RUNDC3B: variants seen among roughly 807,000 people sequenced by gnomAD.
The protein encoded by RUNDC3B is RUN domain containing 3B, also known as RUN domain-containing protein 3B.
A neutral mutation model predicts 58.4 loss-of-function variants in RUNDC3B; 33 were observed. The observed-to-expected ratio is 0.56, with a 90% CI of 0.43 to 0.75. The LOEUF is 0.75. Among genes scored for constraint, RUNDC3B ranks in the 30% least tolerant of loss-of-function variants. RUNDC3B has a pLI of 0.00. For synonymous variants in RUNDC3B, 193 were observed against 195.2 expected (o/e 0.99, Z 0.10); for missense variants, 501 against 535.7 (o/e 0.94, Z 0.64).
intron 1 of RUNDC3B, among the ~76,000 whole-genome samples, chr7:87,635,931 T>C (rs886278054): frequency 6.6e-6 from 1 of 152,232 alleles, no homozygotes; most frequent in African/African-American, 2.4e-5. Flanking sequence ...CTGTAGTTTG[T>C]TCATTTTCAT....
intron 6 of RUNDC3B, among the ~76,000 whole-genome samples, chr7:87,750,520 C>A (rs1338362059): frequency 6.6e-6 from 1 of 152,148 alleles, no homozygotes; most frequent in African/African-American, 2.4e-5. Flanking sequence ...TCCTATTTCT[C>A]CACATCCTCT....
chr7:87,782,602 A>C (rs996012989), intron 8 of RUNDC3B, among the ~76,000 whole-genome samples: 2 of 152,126 alleles, frequency 1.3e-5, no homozygotes, highest in African/African-American at 4.8e-5. Flanking sequence ...TGATGTAAAC[A>C]TTTAGTGATA....
chr7:87,802,518 A>T lies in RUNDC3B; in HGVS notation c.957-4855A>T, dbSNP rs149506666. Among the ~76,000 whole-genome samples, 32 of 152,340 alleles carry T rather than the reference A, an allele frequency of 2.1e-4. No individual in the cohort carries two copies. In the East Asian group the frequency reaches 6.0e-3, roughly 28 times the overall value. ...TGTTTGCTAGCACAACAGAGTGACT[A>T]TAGTCAAAAGTAATTTAATTATACA... On this transcript the variant is annotated intron_variant, in intron 8 of 10. Coordinates refer to ENST00000394654, the MANE Select transcript of RUNDC3B (RefSeq NM_001134405.2).
chr7:87,723,033 T>C (rs6972098), intron 4 of RUNDC3B, among the ~76,000 whole-genome samples: 21,986 of 152,150 alleles, frequency 0.14, 2,542 homozygotes, highest in African/African-American at 0.32. Context: ...AATGATAATG[T>C]GAATAATAAT....
At chr7:87,715,153 T>A (rs1192872264) in intron 4 of RUNDC3B, among the ~76,000 whole-genome samples, 2 of 146,162 alleles carry the variant, frequency 1.4e-5, no homozygotes, top group African/African-American at 5.0e-5. Flanking sequence ...CCACAGGTAG[T>A]GTGAAATGCT....
At chr7:87,758,056 A>T (rs1833470649) in intron 6 of RUNDC3B, among the ~76,000 whole-genome samples, 1 of 152,214 alleles carries the variant, frequency 6.6e-6, no homozygotes, top group East Asian at 1.9e-4. Context: ...GCAGTGGCTT[A>T]TGCCTTTAAT....
At chr7:87,714,145 G>A (rs1211319738) in intron 4 of RUNDC3B, among the ~76,000 whole-genome samples, 2 of 152,150 alleles carry the variant, frequency 1.3e-5, no homozygotes, top group Admixed American at 1.3e-4. Flanking sequence ...ATGCATTTTG[G>A]AATCTGTGTA....
At chr7:87,817,583 C>T (rs754449559) in intron 10 of RUNDC3B, among the ~76,000 whole-genome samples, 1 of 152,200 alleles carries the variant, frequency 6.6e-6, no homozygotes, top group South Asian at 2.1e-4. Flanking sequence ...GCTTTTTCCA[C>T]TGCCCCAGAG....
chr7:87,749,758 C>T (rs1300603439), intron 6 of RUNDC3B, among the ~76,000 whole-genome samples: 2 of 151,858 alleles, frequency 1.3e-5, no homozygotes, highest in African/African-American at 2.4e-5. Flanking sequence ...AAGTTTAAGT[C>T]GCTCCTTATC....
At chr7:87,802,051 G>A (rs1314845910) in intron 8 of RUNDC3B, among the ~76,000 whole-genome samples, 1 of 152,150 alleles carries the variant, frequency 6.6e-6, no homozygotes, top group Non-Finnish European at 1.5e-5. Flanking sequence ...GAGTCTTATT[G>A]TATTGCATTA....
intron 3 of RUNDC3B, among the ~76,000 whole-genome samples, chr7:87,703,793 A>C (rs1459884938): frequency 7.1e-6 from 1 of 140,294 alleles, no homozygotes; most frequent in Non-Finnish European, 1.5e-5. Context: ...TTTTTAATTC[A>C]TTTACTTACT....
chr7:87,763,505 T>C (rs1833810302), intron 6 of RUNDC3B, among the ~76,000 whole-genome samples: 1 of 151,668 alleles, frequency 6.6e-6, no homozygotes, highest in Non-Finnish European at 1.5e-5. Flanking sequence ...CATCCTCTTT[T>C]TAGGAAGATA....
chr7:87,635,796 C>T (rs921211172), intron 1 of RUNDC3B, among the ~76,000 whole-genome samples: 1 of 152,076 alleles, frequency 6.6e-6, no homozygotes, highest in African/African-American at 2.4e-5. Context: ...GTTTTTAACA[C>T]CATGGTTTGT....
At chr7:87,741,274 C>T (rs1021869516) in intron 5 of RUNDC3B, among the ~76,000 whole-genome samples, 12 of 150,730 alleles carry the variant, frequency 8.0e-5, no homozygotes, top group Admixed American at 3.3e-4. Context: ...TTTAATGTAA[C>T]CCATTGATAG....
At chr7:87,635,190 C>G (rs1821638535) in intron 1 of RUNDC3B, among the ~76,000 whole-genome samples, 1 of 152,126 alleles carries the variant, frequency 6.6e-6, no homozygotes, top group Admixed American at 6.5e-5. Flanking sequence ...CTGGGTCAGT[C>G]CAAAGCATCA....
chr7:87,649,320 G>A (rs1047500371), intron 1 of RUNDC3B, among the ~76,000 whole-genome samples: 1 of 152,100 alleles, frequency 6.6e-6, no homozygotes, highest in African/African-American at 2.4e-5. Flanking sequence ...TAAATCAACA[G>A]GTACCTACTG....
chr7:87,739,903 T>C, intron 5 of RUNDC3B, 23 bp downstream of exon 5: 1 of 1,207,024 alleles, frequency 8.3e-7, no homozygotes. Flanking sequence ...ATGCATTCAG[T>C]TTTTAAATTA....
intron 4 of RUNDC3B, among the ~76,000 whole-genome samples, chr7:87,720,290 G>A (rs1830799649): frequency 6.6e-6 from 1 of 151,972 alleles, no homozygotes; most frequent in Non-Finnish European, 1.5e-5. Flanking sequence ...TTTCTTTTAT[G>A]TCATTTTAGC....
chr7:87,810,751 A>G (rs962078215), intron 9 of RUNDC3B, among the ~76,000 whole-genome samples: 1 of 152,154 alleles, frequency 6.6e-6, no homozygotes, highest in African/African-American at 2.4e-5. Context: ...GATTAGTTAG[A>G]CCCGGCAAGC....
Sources: allele counts gnomAD v4.1 joint callset (sites outside exome capture counted in the v4.1 genomes callset), GRCh38; gene constraint gnomAD v4.1.1; transcripts MANE v1.5; gene names NCBI Gene and HGNC (gene_info 2026-07-23, HGNC 2026-07-21).